Variants in UBE2E2 observed in about 807,000 individuals in gnomAD.
The protein encoded by UBE2E2 is ubiquitin conjugating enzyme E2 E2.
UBE2E2 carries 6 observed loss-of-function variants against 24.7 expected under a neutral mutation model. The observed-to-expected ratio is 0.24, with a 90% confidence interval of 0.13 to 0.48. The LOEUF is 0.48. UBE2E2 is among the 20% of genes least tolerant of loss of function. The probability of loss-of-function intolerance (pLI) is 0.99; values close to 1 mark genes in which losing one functional copy is unlikely to be tolerated. For synonymous variants in UBE2E2, 104 were observed against 83.6 expected, an observed-to-expected ratio of 1.24 and a Z score of -1.33; for missense variants, 169 against 245.0, an observed-to-expected ratio of 0.69 and a Z score of 2.07.
intron 3 of UBE2E2, among the ~76,000 whole-genome samples, chr3:23,270,513 A>G (rs1435173069): frequency 1.3e-5 from 2 of 152,130 alleles, no homozygotes; most frequent in Non-Finnish European, 2.9e-5. Flanking sequence ...GGGGCCCTGC[A>G]GGGCTCGTTC....
intron 3 of UBE2E2, among the ~76,000 whole-genome samples, chr3:23,241,432 A>G (rs888202303): frequency 2.6e-5 from 4 of 152,294 alleles, no homozygotes; most frequent in African/African-American, 7.2e-5. Context: ...TCCCATTACA[A>G]TGGCCTTTGA....
intron 3 of UBE2E2, among the ~76,000 whole-genome samples, chr3:23,309,058 G>A (rs1343112276): frequency 5.9e-5 from 9 of 152,208 alleles, no homozygotes; most frequent in Admixed American, 4.6e-4. Context: ...TGTTTTAGCT[G>A]TGCTCACAGC....
Position 23,290,329 on chromosome 3 carries a change from G to T in UBE2E2, c.227+73017G>T, listed in dbSNP as rs571723079. 3.9e-4 allele frequency among the ~76,000 whole-genome samples: 60 copies of T among 152,310 alleles called. 1 individual carries two copies. In the South Asian group the frequency reaches 0.012, roughly 30 times the overall value. The stretch of plus-strand genomic sequence containing the variant: ...GGTCCAAGGCTTGCCCTCTCTGCTA[G>T]TCTAGATCACTGTTTCTGAGACTGT... On this transcript the variant is annotated intron_variant, in intron 3 of 5. Coordinates refer to ENST00000396703, the MANE Select transcript of UBE2E2 (RefSeq NM_152653.4).
intron 3 of UBE2E2, among the ~76,000 whole-genome samples, chr3:23,381,423 G>GC (rs11433498): frequency 0.84 from 127,489 of 152,176 alleles, 53,446 homozygotes; most frequent in African/African-American, 0.89. Flanking sequence ...ATTAGTTTAT[G>GC]AAGTGTCTCA....
chr3:23,580,675 G>A (rs1033833017), intron 5 of UBE2E2, among the ~76,000 whole-genome samples: 1 of 152,156 alleles, frequency 6.6e-6, no homozygotes, highest in Non-Finnish European at 1.5e-5. Context: ...ATCAGAGATG[G>A]GACACATAAG....
At position 23,419,914 on chromosome 3, in the gene UBE2E2, C is replaced by T. The variant is rs140222483; in HGVS notation, c.228-79694C>T. On this transcript the variant is annotated intron_variant, in intron 3 of 5. Transcript: ENST00000396703. Reference sequence around the variant, plus strand: ...CTGCAGAAGTCCAAGGGTCTTCTGCCTCTCCCTTCAATTAAATTTCAAAAC... The same window carrying T: ...CTGCAGAAGTCCAAGGGTCTTCTGCTTCTCCCTTCAATTAAATTTCAAAAC... Among the ~76,000 whole-genome samples, 1,275 of 152,222 alleles carry T rather than the reference C, an allele frequency of 8.4e-3. 17 individuals are homozygous for T. Among genetic ancestry groups the T allele is most frequent in the African/African-American group, 0.028 (1,171 of 41,526 alleles).
At chr3:23,564,930 C>T (rs1017633012) in intron 5 of UBE2E2, among the ~76,000 whole-genome samples, 4 of 152,020 alleles carry the variant, frequency 2.6e-5, no homozygotes, top group African/African-American at 7.2e-5. Flanking sequence ...TAATCAAAAC[C>T]AGGCATATGA....
At chr3:23,521,356 A>G (rs1694861327) in intron 4 of UBE2E2, among the ~76,000 whole-genome samples, 1 of 152,234 alleles carries the variant, frequency 6.6e-6, no homozygotes, top group African/African-American at 2.4e-5. Flanking sequence ...TACATGCTTT[A>G]CATGGAATCC....
intron 3 of UBE2E2, among the ~76,000 whole-genome samples, chr3:23,487,931 G>A (rs1276055845): frequency 1.3e-5 from 2 of 151,900 alleles, no homozygotes; most frequent in Non-Finnish European, 2.9e-5. Context: ...TCCAGACAGC[G>A]TGGTAGAAGA....
In UBE2E2 at chr3:23,561,548, A is replaced by G. The variant is rs1335448978; in HGVS notation, c.509-28186A>G. 9.9e-5 allele frequency among the ~76,000 whole-genome samples: 15 copies of G among 151,962 alleles called. No homozygotes were observed. The South Asian group carries it at 1.0e-3, about 11-fold the overall frequency. On this transcript the variant is annotated intron_variant, in intron 5 of 5. Transcript: ENST00000396703. ...TCTTTTGGCTTAGGATTGACTTGGC[A>G]ATGCGGGCTCTTTTTTGGTTCCATA...
chr3:23,299,268 T>G (rs2125259345), intron 3 of UBE2E2, among the ~76,000 whole-genome samples: 1 of 152,316 alleles, frequency 6.6e-6, no homozygotes, highest in East Asian at 1.9e-4. Flanking sequence ...AAGGTTTTTT[T>G]GTGTCTCTAT....
intron 3 of UBE2E2, among the ~76,000 whole-genome samples, chr3:23,421,417 C>T (rs1697793990): frequency 6.6e-6 from 1 of 152,100 alleles, no homozygotes; most frequent in African/African-American, 2.4e-5. Flanking sequence ...GAATACTATT[C>T]AGCCATAAAA....
rs902945367 is a variant in UBE2E2, at chr3:23,446,709, T to TTTTG, written c.228-52896_228-52895insGTTT. ...TTATCCGTCTGTTTGGTTTTTTTTT[T>TTTTG]TTTTTTTTTTTATCCGTAGGGTCAT... On this transcript the variant is annotated intron_variant, in intron 3 of 5. Transcript: ENST00000396703. Among the ~76,000 whole-genome samples the TTTTG allele has an allele frequency of 2.4e-4, 34 of 142,772 alleles. No homozygotes were observed. The South Asian group carries it at 3.6e-3, about 15-fold the overall frequency. The allele number at this position is 142,772 out of a possible 152,430, so 93.7% of individuals were successfully genotyped here.
At chr3:23,505,121 A>G (rs1694415957) in intron 4 of UBE2E2, among the ~76,000 whole-genome samples, 3 of 139,788 alleles carry the variant, frequency 2.1e-5, no homozygotes, top group African/African-American at 8.0e-5. Context: ...GGGTTTTGCC[A>G]TGTTGCTCAG....
chr3:23,398,741 G>T (rs1362817563), intron 3 of UBE2E2, among the ~76,000 whole-genome samples: 4 of 152,040 alleles, frequency 2.6e-5, no homozygotes, highest in Non-Finnish European at 5.9e-5. Context: ...CAAGAAATTC[G>T]GAAGACAGGG....
chr3:23,390,003 T>G (rs1696896064), intron 3 of UBE2E2: 1 of 152,170 alleles, frequency 6.6e-6, no homozygotes, highest in African/African-American at 2.4e-5. Flanking sequence ...CTCATTGATC[T>G]CATCTCAGGC....
chr3:23,365,026 A>G (rs909836637), intron 3 of UBE2E2, among the ~76,000 whole-genome samples: 4 of 152,216 alleles, frequency 2.6e-5, no homozygotes, highest in Non-Finnish European at 5.9e-5. Flanking sequence ...AAATCACATG[A>G]TCCTCTAAAT....
chr3:23,252,535 C>T (rs955009284), intron 3 of UBE2E2, among the ~76,000 whole-genome samples: 2 of 152,052 alleles, frequency 1.3e-5, no homozygotes, highest in Non-Finnish European at 2.9e-5. Flanking sequence ...CTAGCTCTGG[C>T]GCCTAGGCTG....
chr3:23,486,906 C>T (rs1027086503), intron 3 of UBE2E2, among the ~76,000 whole-genome samples: 8 of 152,342 alleles, frequency 5.3e-5, no homozygotes, highest in African/African-American at 1.7e-4. Flanking sequence ...GCAGCCCAGT[C>T]CCCAGACTTC....
Sources: gnomAD v4.1 joint callset for allele counts (sites outside exome capture counted in the v4.1 genomes callset) on GRCh38, gnomAD v4.1.1 for gene constraint, MANE v1.5 for transcripts, NCBI Gene and HGNC (gene_info 2026-07-23, HGNC 2026-07-21) for gene names.